The following NFASC variants were observed in gnomAD, a reference collection of about 807,000 sequenced individuals.
The protein encoded by NFASC is neurofascin, also known as neurofascin homolog.
Under a neutral mutation model 147.5 loss-of-function variants are expected in NFASC, and 43 were observed. The ratio of observed to expected loss-of-function variants is 0.29; its 90% CI spans 0.23 to 0.38. The LOEUF (loss-of-function observed/expected upper bound fraction) is 0.38, where lower values mean the gene tolerates loss of function less well. Among genes scored for constraint, NFASC ranks in the 10% least tolerant of loss-of-function variants. NFASC has a pLI of 1.00. For missense variants in NFASC, 1,320 were observed against 1,689.0 expected (o/e 0.78, Z 3.83); for synonymous variants, 622 against 665.5 (o/e 0.93, Z 1.01).
At chr1:204,880,922 C>T (rs908233757) in intron 1 of NFASC, among the ~76,000 whole-genome samples, 7 of 152,196 alleles carry the variant, frequency 4.6e-5, no homozygotes, top group African/African-American at 1.4e-4. Flanking sequence ...GATGAGGACA[C>T]GTCTTTCAGG....
intron 15 of NFASC, among the ~76,000 whole-genome samples, chr1:204,976,003 T>TTC (rs148764213): frequency 0.02 from 3,019 of 152,270 alleles, 60 homozygotes; most frequent in Middle Eastern, 0.085. Context: ...AGAACCACTG[T>TTC]TCCGAGCCTC....
intron 1 of NFASC, among the ~76,000 whole-genome samples, chr1:204,901,058 G>C (rs2084461521): frequency 6.6e-6 from 1 of 152,114 alleles, no homozygotes; most frequent in Non-Finnish European, 1.5e-5. Flanking sequence ...GAGGCAAAGA[G>C]CACTCTTGAG....
At chr1:204,976,592 C>T (rs1429413261) in intron 15 of NFASC, 79 bp from the exon 16 acceptor site, 1 of 1,083,062 alleles carries the variant, frequency 9.2e-7, no homozygotes, top group Non-Finnish European at 1.4e-6. Context: ...CTCGAGAACC[C>T]CCTCTAGGGA....
At chr1:204,908,207 C>T (rs1225337781) in intron 1 of NFASC, among the ~76,000 whole-genome samples, 3 of 152,120 alleles carry the variant, frequency 2.0e-5, no homozygotes, top group Non-Finnish European at 4.4e-5. Flanking sequence ...GTCTCAAGCT[C>T]CTAGGTTCAG....
intron 1 of NFASC, among the ~76,000 whole-genome samples, chr1:204,875,208 A>T (rs2078532256): frequency 6.6e-6 from 1 of 152,158 alleles, no homozygotes; most frequent in Admixed American, 6.5e-5. Flanking sequence ...TGGATTTCTG[A>T]GTGTGAACAA....
intron 3 of NFASC, among the ~76,000 whole-genome samples, chr1:204,949,333 C>G (rs2093969885): frequency 6.6e-6 from 1 of 152,188 alleles, no homozygotes; most frequent in East Asian, 1.9e-4. Context: ...CCTCTCTAAG[C>G]CCCCAGAATC....
In NFASC at chr1:204,940,772, A is replaced by G. The variant is rs569920925; in HGVS notation, c.-90-3454A>G. Among the ~76,000 whole-genome samples the G allele has an allele frequency of 6.6e-5, 10 of 152,330 alleles. No homozygotes were observed. In the South Asian group the frequency reaches 1.9e-3, roughly 28 times the overall value. Reference sequence around the variant, plus strand: ...TTCATCCATGTTGGAGCATGTCAGTATTGAATTCCTTCCTATGGCTGAGTC... The same window carrying G: ...TTCATCCATGTTGGAGCATGTCAGTGTTGAATTCCTTCCTATGGCTGAGTC... On this transcript the variant is annotated intron_variant, in intron 2 of 29. Coordinates refer to ENST00000339876, the MANE Select transcript of NFASC (RefSeq NM_001005388.3).
rs140756489 is a variant in NFASC, at chr1:204,974,243, G to T, written c.1344G>T (p.Thr448=). The change falls in exon 13 of 30, where the codon ACG becomes ACT. Residue 448 remains threonine (T), a synonymous_variant. Transcript: ENST00000339876. Reference sequence around the variant, plus strand: ...TTCGAGTGATTCTTTACAACCGGACGCGGCTGGACTGCCCTTTCTTTGGGT... The same window carrying T: ...TTCGAGTGATTCTTTACAACCGGACTCGGCTGGACTGCCCTTTCTTTGGGT... The part of the protein sequence containing the change: ...QLIRVILYNR[T]RLDCPFFGSP... The T allele has an allele frequency of 1.2e-6, 2 of 1,614,116 alleles. No homozygotes were observed. The highest frequency in any genetic ancestry group is 1.7e-5 in the Admixed American group (1 of 60,032).
chr1:204,907,983 ATTGT>A (rs1244379643), intron 1 of NFASC, among the ~76,000 whole-genome samples: 4 of 151,568 alleles, frequency 2.6e-5, no homozygotes, highest in South Asian at 2.1e-4. Context: ...TTTTAGTTTT[ATTGT>A]TTGTTTGTTT....
At position 204,979,278 on chromosome 1, in the gene NFASC, A is replaced by G. The variant is rs573766458; in HGVS notation, c.1979-84A>G. The G allele has an allele frequency of 7.2e-5, 86 of 1,193,462 alleles. No individual in the cohort carries two copies. The South Asian group carries it at 9.1e-4, about 13-fold the overall frequency. 73.9% of individuals were successfully genotyped at this position (1,193,462 alleles called of 1,614,324 possible). ...TGTGTGAGAGAGATTATAAAGATCAATGGAAGCCAAGAAGGAAGTGCTTTT... is the reference window on the plus strand; with the variant it reads ...TGTGTGAGAGAGATTATAAAGATCAGTGGAAGCCAAGAAGGAAGTGCTTTT... On this transcript the variant is annotated intron_variant, in intron 18 of 29. Transcript: ENST00000339876. This position sits in a 1 kb window ranked among gnomAD's most constrained non-coding sequence, Gnocchi z 6.0.
In NFASC at chr1:204,986,124, G is replaced by C; in HGVS notation, c.2471-1294G>C. 6 of 1,605,902 alleles carry C rather than the reference G, an allele frequency of 3.7e-6. No homozygotes were observed. In the South Asian group the frequency reaches 6.6e-5, roughly 18 times the overall value. ...ACCACCCCGGAAGGAGGTAGGTCTG[G>C]CCTGCAGCTCTTCAGGGTGGGGCAG... On this transcript the variant is annotated intron_variant, in intron 21 of 29. Transcript: ENST00000339876. This position sits in a 1 kb window ranked among gnomAD's most constrained non-coding sequence, Gnocchi z 4.2.
chr1:204,986,562 G>A lies in NFASC; in HGVS notation c.2471-856G>A. ...GTCGGCCTGTGTGTGCGGTGGCTCT[G>A]CAGAGGGATACCCAAGTATAGCCCC... On this transcript the variant is annotated intron_variant, in intron 21 of 29. Transcript: ENST00000339876. This position sits in a 1 kb window ranked among gnomAD's most constrained non-coding sequence, Gnocchi z 4.2. 4.8e-6 allele frequency: 1 copy of A among 206,338 alleles called. No homozygotes were observed. The highest frequency in any genetic ancestry group is 1.0e-5 in the Non-Finnish European group (1 of 99,504). 12.8% of individuals were successfully genotyped at this position (206,338 alleles called of 1,614,324 possible).
chr1:204,894,841 A>G (rs1387649312), intron 1 of NFASC, among the ~76,000 whole-genome samples: 1 of 152,126 alleles, frequency 6.6e-6, no homozygotes, highest in Non-Finnish European at 1.5e-5. Flanking sequence ...TCTGCTGACT[A>G]TTCCCGATTT....
chr1:205,015,080 G>C lies in NFASC; in HGVS notation c.3492-1228G>C, dbSNP rs1225774165. Among the ~76,000 whole-genome samples the C allele has an allele frequency of 2.6e-5, 4 of 152,146 alleles. No individual in the cohort carries two copies. Among genetic ancestry groups the C allele is most frequent in the African/African-American group, 9.7e-5 (4 of 41,436 alleles). On this transcript the variant is annotated intron_variant, in intron 29 of 29. Coordinates refer to ENST00000339876, the MANE Select transcript of NFASC (RefSeq NM_001005388.3). The surrounding 1 kb of genome is among the most constrained non-coding windows in gnomAD (Gnocchi z 4.0). ...CTTTCAATCTTCTAACACAGCCCCG[G>C]CTCTGGCTCGCTGCCCTCACCTGAC...
intron 28 of NFASC, among the ~76,000 whole-genome samples, chr1:205,012,323 A>G (rs555273292): frequency 7.9e-5 from 12 of 152,308 alleles, no homozygotes; most frequent in Non-Finnish European, 1.8e-4. Flanking sequence ...TTCTCTGCTC[A>G]GGGCACTCTG....
chr1:204,930,859 G>T (rs1218907245), intron 2 of NFASC, among the ~76,000 whole-genome samples: 2 of 152,232 alleles, frequency 1.3e-5, no homozygotes, highest in Admixed American at 1.3e-4. Context: ...CTGGAGGCTG[G>T]TGTGGGGATA....
rs975440346 is a variant in NFASC at position 204,968,519 on chromosome 1, C to T, written c.818+159C>T. ...TGAGCAGGGTGTTGCAAACCATAGT[C>T]ATCTCCATCCTATCCTGGCCATCTC... On this transcript the variant is annotated intron_variant, in intron 9 of 29. Transcript: ENST00000339876. The surrounding 1 kb of genome is among the most constrained non-coding windows in gnomAD (Gnocchi z 5.4). 3 of 631,202 alleles carry T rather than the reference C, an allele frequency of 4.8e-6. No homozygotes were observed. The highest frequency in any genetic ancestry group is 3.7e-5 in the African/African-American group (2 of 54,704). The allele number at this position is 631,202 out of a possible 1,614,324, so 39.1% of individuals were successfully genotyped here.
rs1302258140 is a variant in NFASC at position 205,015,050 on chromosome 1, A to G, written c.3492-1258A>G. 6.6e-6 allele frequency among the ~76,000 whole-genome samples: 1 copy of G among 152,078 alleles called. No individual in the cohort carries two copies. The highest frequency in any genetic ancestry group is 1.9e-4 in the East Asian group (1 of 5,164). ...GGGGCAGCACTGTGGGGAGTGGGCT[A>G]ATAGCTTTCAATCTTCTAACACAGC... On this transcript the variant is annotated intron_variant, in intron 29 of 29. Coordinates refer to ENST00000339876, the MANE Select transcript of NFASC (RefSeq NM_001005388.3). This position sits in a 1 kb window ranked among gnomAD's most constrained non-coding sequence, Gnocchi z 4.0.
At chr1:204,890,138 T>A (rs562788856) in intron 1 of NFASC, among the ~76,000 whole-genome samples, 27 of 152,314 alleles carry the variant, frequency 1.8e-4, no homozygotes, top group Admixed American at 1.6e-3. Flanking sequence ...TGACAGAAGA[T>A]GTAGGGGAAG....
Sources: allele counts gnomAD v4.1 joint callset (sites outside exome capture counted in the v4.1 genomes callset), GRCh38; gene constraint gnomAD v4.1.1; non-coding constraint Gnocchi (gnomAD v3.1); transcripts MANE v1.5; gene names NCBI Gene and HGNC (gene_info 2026-07-23, HGNC 2026-07-21).